The following ZNF728 variants were observed in gnomAD, a reference collection of about 807,000 sequenced individuals.
ZNF728 encodes zinc finger protein 728.
A neutral mutation model predicts 12.5 loss-of-function variants in ZNF728; 12 were observed. The ratio of observed to expected loss-of-function variants is 0.96; its 90% CI spans 0.61 to 1.55. ZNF728 has a LOEUF of 1.55. Among genes scored for constraint, ZNF728 ranks in the 40% most tolerant of loss-of-function variants. The pLI is 0.00. For missense variants in ZNF728, 692 were observed against 719.2 expected (o/e 0.96, Z 0.43); for synonymous variants, 205 against 240.7 (o/e 0.85, Z 1.37).
At position 22,976,546 on chromosome 19, in the gene ZNF728, G is replaced by A. The variant is rs1485894723; in HGVS notation, c.791C>T (p.Ala264Val). 1 of 1,612,408 alleles carries A rather than the reference G, an allele frequency of 6.2e-7. No homozygotes were observed. The highest frequency in any genetic ancestry group is 2.2e-5 in the East Asian group (1 of 44,796). The change falls in exon 4 of 4, where the codon GCC (alanine) becomes GTC (valine). Residue 264 changes from alanine to valine, a missense_variant. Around this residue, in one of 3 missense-constraint regions of ZNF728, gnomAD observed 440 missense variants for 459.6 expected, o/e 0.96. Coordinates refer to ENST00000594710, the MANE Select transcript of ZNF728 (RefSeq NM_001267716.2). The part of the protein sequence containing the change: ...KHYKCEECGK[A>V]FTRSSSLIEH... ...AATAAGGCTTGAGGACCGGGTGAAG[G>A]CTTTGCCACATTCTTCACATTTGTA...
chr19:23,002,051 T>C (rs1206617222), intron 1 of ZNF728, among the ~76,000 whole-genome samples: 1 of 152,182 alleles, frequency 6.6e-6, no homozygotes, highest in East Asian at 1.9e-4. Flanking sequence ...CGCGGTGGCT[T>C]ACACTTGTAA....
chr19:22,980,825 A>G (rs1268499698), intron 3 of ZNF728, among the ~76,000 whole-genome samples: 1 of 152,216 alleles, frequency 6.6e-6, no homozygotes, highest in African/African-American at 2.4e-5. Flanking sequence ...TTTGAAACCA[A>G]TGAGAACAAA....
chr19:23,002,778 G>A (rs1362995127), intron 1 of ZNF728, among the ~76,000 whole-genome samples: 1 of 152,208 alleles, frequency 6.6e-6, no homozygotes, highest in Admixed American at 6.5e-5. Flanking sequence ...CGGGTGCAGA[G>A]CGGCCCCAAG....
chr19:23,000,486 T>C (rs1486391207), intron 1 of ZNF728, among the ~76,000 whole-genome samples: 7 of 152,104 alleles, frequency 4.6e-5, no homozygotes, highest in Admixed American at 2.6e-4. Context: ...ACAGATATTA[T>C]TTTCTGAAAC....
At chr19:22,987,209 AT>A (rs1271483949) in intron 3 of ZNF728, 98 bp downstream of exon 3, 1 of 1,107,092 alleles carries the variant, frequency 9.0e-7, no homozygotes, top group Non-Finnish European at 1.2e-6. Flanking sequence ...TCCAGAAACT[AT>A]TTCTTTTGGA....
At chr19:22,991,018 T>C (rs1568277197) in intron 1 of ZNF728, among the ~76,000 whole-genome samples, 1 of 152,070 alleles carries the variant, frequency 6.6e-6, no homozygotes, top group Non-Finnish European at 1.5e-5. Flanking sequence ...GGGCTTATTA[T>C]TACCCTTAAT....
rs769465735 is a variant in ZNF728 at position 22,975,526 on chromosome 19, G to A, written c.1811C>T (p.Ser604Phe). The A allele has an allele frequency of 5.1e-6, 8 of 1,568,948 alleles. No homozygotes were observed. The highest frequency in any genetic ancestry group is 6.9e-6 in the Non-Finnish European group (8 of 1,159,392). ...TCTCTTATGAGTAGTAAGGTGTGAG[G>A]ATTGGTTGAAGTCTTTACCACATTC... ...CEECGKDFNQSSHLTTHKRIH... is the reference protein window; with the variant it reads ...CEECGKDFNQFSHLTTHKRIH... The change falls in exon 4 of 4, where the codon TCC becomes TTC. Residue 604 changes from serine (S) to phenylalanine (F), a missense_variant. This residue lies in a region of ZNF728 where 244 missense variants were observed against 235.2 expected (regional missense o/e 1.04). Coordinates refer to ENST00000594710, the MANE Select transcript of ZNF728 (RefSeq NM_001267716.2).
Position 22,976,817 on chromosome 19 carries a change from T to G in ZNF728, c.520A>C (p.Lys174Gln). 6.2e-7 allele frequency: 1 copy of G among 1,613,396 alleles called. No homozygotes were observed. The highest frequency in any genetic ancestry group is 8.5e-7 in the Non-Finnish European group (1 of 1,179,762). ...AATGATCTGACATATTCTTTACATT[T>G]CAAAAGTTTCTTTCCAGTATGCCTT... ...KIRHTGKKLL[K>Q]CKEYVRSFCM... Residue 174 changes from lysine to glutamine, a missense_variant, in exon 4 of 4, where the codon AAA becomes CAA. Around this residue, in one of 3 missense-constraint regions of ZNF728, gnomAD observed 440 missense variants for 459.6 expected, o/e 0.96. Coordinates refer to ENST00000594710, the MANE Select transcript of ZNF728 (RefSeq NM_001267716.2).
chr19:22,987,775 CTA>C, intron 2 of ZNF728, among the ~76,000 whole-genome samples: 1 of 152,184 alleles, frequency 6.6e-6, no homozygotes, highest in East Asian at 1.9e-4. Flanking sequence ...GGAAAAATCC[CTA>C]TGATTTTCTT....
chr19:22,976,663 T>C lies in ZNF728; in HGVS notation c.674A>G (p.Glu225Gly). The C allele has an allele frequency of 6.2e-7, 1 of 1,613,194 alleles. No individual in the cohort carries two copies. Among genetic ancestry groups the C allele is most frequent in the Non-Finnish European group, 8.5e-7 (1 of 1,179,816 alleles). Residue 225 changes from glutamate to glycine, a missense_variant, in exon 4 of 4, where the codon GAG becomes GGG. Transcript: ENST00000594710. ...ALTYKRIHTG[E>G]KPCKCEECGK... Reference sequence around the variant, plus strand: ...ACATTCTTCACATTTGCAGGGTTTCTCTCCAGTATGAATTCTCTTATAAGT... The same window carrying C: ...ACATTCTTCACATTTGCAGGGTTTCCCTCCAGTATGAATTCTCTTATAAGT...
Position 22,980,185 on chromosome 19 carries a change from C to CAAA in ZNF728, c.227-3078_227-3076dup, listed in dbSNP as rs147737278. ...GAATAGTTACCAAGCAAATGGAAAGCAAAAAAAAAAAAGAAACAAAAAAAA... is the reference window on the plus strand; with the variant it reads ...GAATAGTTACCAAGCAAATGGAAAGCAAAAAAAAAAAAAAAGAAACAAAAAAAA... On this transcript the variant is annotated intron_variant, in intron 3 of 3. Coordinates refer to ENST00000594710, the MANE Select transcript of ZNF728 (RefSeq NM_001267716.2). 4.0e-3 allele frequency among the ~76,000 whole-genome samples: 345 copies of CAAA among 86,582 alleles called. 2 individuals are homozygous for CAAA. Among genetic ancestry groups the CAAA allele is most frequent in the African/African-American group, 0.012 (337 of 29,184 alleles). The allele number at this position is 86,582 out of a possible 152,430, so 56.8% of individuals were successfully genotyped here. A position where few individuals can be genotyped will look rare whatever the true frequency, so the allele number is the denominator to read the frequency against.
At chr19:22,993,597 T>A (rs542289002) in intron 1 of ZNF728, among the ~76,000 whole-genome samples, 1 of 152,304 alleles carries the variant, frequency 6.6e-6, no homozygotes, top group Admixed American at 6.5e-5. Flanking sequence ...ACAAGTGGAT[T>A]TGCAAAGGCA....
chr19:22,981,509 A>C (rs543843574), intron 3 of ZNF728, among the ~76,000 whole-genome samples: 1 of 152,274 alleles, frequency 6.6e-6, no homozygotes, highest in South Asian at 2.1e-4. Flanking sequence ...AAAGGAGGGA[A>C]GCCTCCCTAA....
In ZNF728 at chr19:22,975,406, C is replaced by A; in HGVS notation, c.*62G>T. On this transcript the variant is annotated 3_prime_UTR_variant, in exon 4 of 4. Coordinates refer to ENST00000594710, the MANE Select transcript of ZNF728 (RefSeq NM_001267716.2). The stretch of plus-strand genomic sequence containing the variant: ...TCTTCACATTTGTAGGGTTTCCCTC[C>A]TGTATAAATACCCTTATGTTCAGTA... 6.9e-7 allele frequency: 1 copy of A among 1,439,634 alleles called. No homozygotes were observed. The highest frequency in any genetic ancestry group is 9.3e-7 in the Non-Finnish European group (1 of 1,070,398). The allele number at this position is 1,439,634 out of a possible 1,614,324, so 89.2% of individuals were successfully genotyped here. A position where few individuals can be genotyped will look rare whatever the true frequency, so the allele number is the denominator to read the frequency against.
intron 1 of ZNF728, among the ~76,000 whole-genome samples, chr19:23,000,439 GA>G (rs1376120063): frequency 6.7e-6 from 1 of 149,724 alleles, no homozygotes; most frequent in Non-Finnish European, 1.5e-5. Flanking sequence ...CTCTGAGAAA[GA>G]AAAAGGTGAA....
In ZNF728 at chr19:22,975,589, TTA is replaced by T. The variant is rs1968784754; in HGVS notation, c.1746_1747del (p.His582GlnfsTer13). 1 of 1,605,520 alleles carries T rather than the reference TTA, an allele frequency of 6.2e-7. No homozygotes were observed. Among genetic ancestry groups the T allele is most frequent in the Non-Finnish European group, 8.5e-7 (1 of 1,177,402 alleles). ...GAATTTCTTTCCAGCATGAATTTTC[TTA>T]TGTTTGTTAAGGACTGAGACCCAGC... On this transcript the variant is annotated frameshift_variant, in exon 4 of 4. Transcript: ENST00000594710. LOFTEE classifies it low-confidence loss of function (END_TRUNC).
At chr19:22,990,502 T>G (rs1415131070) in intron 1 of ZNF728, among the ~76,000 whole-genome samples, 1 of 151,588 alleles carries the variant, frequency 6.6e-6, no homozygotes, top group Non-Finnish European at 1.5e-5. Context: ...GATAAAAATA[T>G]GCTTTTCTTT....
chr19:22,984,551 C>A (rs1968893439), intron 3 of ZNF728, among the ~76,000 whole-genome samples: 1 of 117,820 alleles, frequency 8.5e-6, no homozygotes, highest in South Asian at 2.6e-4. Context: ...GAGCGAGACT[C>A]CATCTCAAAA....
intron 1 of ZNF728, among the ~76,000 whole-genome samples, chr19:22,990,168 A>G (rs766272974): frequency 6.6e-6 from 1 of 152,184 alleles, no homozygotes; most frequent in Non-Finnish European, 1.5e-5. Flanking sequence ...GAAAAACACA[A>G]GTAGAGAAGT....
Sources: allele counts gnomAD v4.1 joint callset (sites outside exome capture counted in the v4.1 genomes callset), GRCh38; gene constraint gnomAD v4.1.1; regional missense constraint gnomAD v4.1.1; transcripts MANE v1.5; gene names NCBI Gene and HGNC (gene_info 2026-07-23, HGNC 2026-07-21).